The following ITGA1 variants were observed in gnomAD, a reference collection of about 807,000 sequenced individuals.
The protein encoded by ITGA1 is integrin alpha-1.
A neutral mutation model predicts 145.9 loss-of-function variants in ITGA1; 85 were observed. The ratio of observed to expected loss-of-function variants is 0.58; its 90% CI spans 0.49 to 0.70. The LOEUF (loss-of-function observed/expected upper bound fraction) is 0.70, where lower values mean the gene tolerates loss of function less well. ITGA1 is among the 30% of genes least tolerant of loss of function. The probability of loss-of-function intolerance (pLI) is 0.00; values close to 1 mark genes in which losing one functional copy is unlikely to be tolerated. For synonymous variants in ITGA1, 520 were observed against 495.3 expected, an observed-to-expected ratio of 1.05 and a Z score of -0.66; for missense variants, 1,351 against 1,418.7, an observed-to-expected ratio of 0.95 and a Z score of 0.77.
chr5:52,859,642 A>C (rs376860560), intron 2 of ITGA1, among the ~76,000 whole-genome samples: 1 of 152,212 alleles, frequency 6.6e-6, no homozygotes, highest in African/African-American at 2.4e-5. Flanking sequence ...TAAATTTTCA[A>C]AATGTGTGCC....
chr5:52,907,838 A>G (rs1750435547), intron 12 of ITGA1, among the ~76,000 whole-genome samples: 1 of 152,168 alleles, frequency 6.6e-6, no homozygotes, highest in Non-Finnish European at 1.5e-5. Context: ...AAGATCTTCT[A>G]TTTTATTTAT....
At position 52,910,978 on chromosome 5, in the gene ITGA1, AGTAT is replaced by A. The variant is rs1230683431; in HGVS notation, c.1857+564_1857+567del. 5.4e-5 allele frequency among the ~76,000 whole-genome samples: 7 copies of A among 128,832 alleles called. No individual in the cohort carries two copies. The South Asian group carries it at 7.1e-4, about 13-fold the overall frequency. 84.5% of individuals were successfully genotyped at this position (128,832 alleles called of 152,430 possible). On this transcript the variant is annotated intron_variant, in intron 14 of 28. Coordinates refer to ENST00000282588, the MANE Select transcript of ITGA1 (RefSeq NM_181501.2). Reference sequence around the variant, plus strand: ...TATATACACTATATATACTATATATAGTATGTATACTATATATAGTATGTATACT... The same window carrying A: ...TATATACACTATATATACTATATATAGTATACTATATATAGTATGTATACT...
intron 2 of ITGA1, among the ~76,000 whole-genome samples, chr5:52,853,176 T>C (rs1442596451): frequency 1.3e-5 from 2 of 152,166 alleles, no homozygotes; most frequent in African/African-American, 2.4e-5. Context: ...ACCAAAAAGA[T>C]GTGGGCAATT....
intron 7 of ITGA1, among the ~76,000 whole-genome samples, chr5:52,882,454 T>A (rs1319028073): frequency 6.6e-6 from 1 of 152,120 alleles, no homozygotes; most frequent in Non-Finnish European, 1.5e-5. Flanking sequence ...TTTACCGTTA[T>A]CGAAGCTACT....
intron 7 of ITGA1, among the ~76,000 whole-genome samples, chr5:52,884,569 G>A (rs1750018475): frequency 1.3e-5 from 2 of 152,092 alleles, no homozygotes; most frequent in South Asian, 4.1e-4. Flanking sequence ...AGGTATTGCA[G>A]TAAGGAAGAG....
intron 19 of ITGA1, among the ~76,000 whole-genome samples, chr5:52,925,839 A>T (rs889728670): frequency 3.3e-5 from 5 of 152,184 alleles, no homozygotes; most frequent in Non-Finnish European, 7.4e-5. Context: ...CCTCTGTGTT[A>T]AGCAAAAAAA....
chr5:52,795,748 CT>C (rs1466970333), intron 1 of ITGA1, among the ~76,000 whole-genome samples: 1 of 151,782 alleles, frequency 6.6e-6, no homozygotes, highest in African/African-American at 2.4e-5. Context: ...TTTTAGAGCT[CT>C]ATAATTTATT....
chr5:52,850,002 ATTTT>A (rs373306832), intron 2 of ITGA1, among the ~76,000 whole-genome samples: 1 of 140,440 alleles, frequency 7.1e-6, no homozygotes, highest in Non-Finnish European at 1.5e-5. Flanking sequence ...TGTAGATAGG[ATTTT>A]TTTTTTTTTT....
intron 11 of ITGA1, chr5:52,903,450 A>G (rs1750348201): frequency 6.6e-6 from 1 of 152,222 alleles, no homozygotes; most frequent in African/African-American, 2.4e-5. Context: ...TCTATTATGT[A>G]TAATAATAAA....
Position 52,925,322 on chromosome 5 carries a change from A to G in ITGA1, c.2448A>G (p.Ser816=), listed in dbSNP as rs759008111. 6.2e-7 allele frequency: 1 copy of G among 1,614,082 alleles called. No homozygotes were observed. The highest frequency in any genetic ancestry group is 1.1e-5 in the South Asian group (1 of 91,086). Residue 816 remains serine (S), a synonymous_variant, in exon 19 of 29, where the codon TCA becomes TCG. Transcript: ENST00000282588. ...GTGGAAATAAGGAAAAATGTATCTC[A>G]GACCTCAGCCTGCATGTCGCCACCA... ...KDCGNKEKCI[S]DLSLHVATTE...
Position 52,849,495 on chromosome 5 carries a change from TGG to T in ITGA1, c.182+12_182+13del, listed in dbSNP as rs1483885355. On this transcript the variant is annotated intron_variant, in intron 2 of 28. Transcript: ENST00000282588. ...ATGAAGAAGGAAAATGGTAAGCCAG[TGG>T]GTTTTGTTGTTGTTATTTACTTATT... 1.9e-6 allele frequency: 3 copies of T among 1,581,154 alleles called. No individual in the cohort carries two copies. Among genetic ancestry groups the T allele is most frequent in the Non-Finnish European group, 1.7e-6 (2 of 1,158,494 alleles).
intron 1 of ITGA1, among the ~76,000 whole-genome samples, chr5:52,834,024 A>C (rs528002143): frequency 6.6e-5 from 10 of 152,354 alleles, no homozygotes; most frequent in African/African-American, 2.4e-4. Context: ...GAATCTATGA[A>C]GATCAGGTAC....
rs545063316 is a variant in ITGA1, at chr5:52,861,552, T to C, written c.288T>C (p.Asp96=). ...RGESLPCVKL[D]LPVNTSIPNV... ...AATCATTACCTTGTGTAAAGTTGGA[T>C]CTACCAGGTATGTAAAATTAAAAAA... is the stretch of plus-strand genomic sequence containing the variant. The change falls in exon 3 of 29, where the codon GAT becomes GAC. Residue 96 remains aspartate (D), a synonymous_variant. Transcript: ENST00000282588. The C allele has an allele frequency of 6.9e-6, 11 of 1,597,058 alleles. No homozygotes were observed. In the East Asian group the frequency reaches 2.2e-4, roughly 32 times the overall value.
intron 14 of ITGA1, among the ~76,000 whole-genome samples, chr5:52,914,309 A>G (rs1347751262): frequency 1.3e-5 from 2 of 152,160 alleles, no homozygotes; most frequent in East Asian, 1.9e-4. Flanking sequence ...CATAGAACCA[A>G]GGAGTCAGAT....
At chr5:52,918,304 T>C (rs1750678928) in intron 15 of ITGA1, among the ~76,000 whole-genome samples, 1 of 152,114 alleles carries the variant, frequency 6.6e-6, no homozygotes, top group Non-Finnish European at 1.5e-5. Context: ...TTCCTAGAAA[T>C]AGAGGAAGAG....
At position 52,944,989 on chromosome 5, in the gene ITGA1, G is replaced by A. The variant is rs1751113124; in HGVS notation, c.3332G>A (p.Ser1111Asn). Residue 1111 changes from serine to asparagine, a missense_variant, in exon 27 of 29, where the codon AGT becomes AAT. By Grantham distance (46) the Ser-to-Asn change is conservative. Coordinates refer to ENST00000282588, the MANE Select transcript of ITGA1 (RefSeq NM_181501.2). ...CTTACTATAAGGGGAGAACTTCGGA[G>A]TGAAAATGCATCTCTGGTTTTAAGT... ...LNLTIRGELR[S>N]ENASLVLSSS... 6.2e-7 allele frequency: 1 copy of A among 1,613,454 alleles called. No homozygotes were observed.
Position 52,947,360 on chromosome 5 carries a change from T to C in ITGA1, c.3394T>C (p.Ser1132Pro). Residue 1132 changes from serine to proline, a missense_variant, in exon 28 of 29, where the codon TCC becomes CCC. Physicochemically the swap from Ser to Pro is moderately conservative, Grantham distance 74. Coordinates refer to ENST00000282588, the MANE Select transcript of ITGA1 (RefSeq NM_181501.2). ...TAATTTTCAGCTTGCTATTCAAATA[T>C]CCAAAGATGGGCTACCGGGCAGAGT... ...NQKRELAIQISKDGLPGRVPL... is the reference protein window; with the variant it reads ...NQKRELAIQIPKDGLPGRVPL... 6.2e-7 allele frequency: 1 copy of C among 1,610,476 alleles called. No homozygotes were observed. Among genetic ancestry groups the C allele is most frequent in the Non-Finnish European group, 8.5e-7 (1 of 1,176,876 alleles).
Position 52,952,411 on chromosome 5 carries a change from G to A in ITGA1, c.3500G>A (p.Gly1167Glu). 1 of 1,419,788 alleles carries A rather than the reference G, an allele frequency of 7.0e-7. No individual in the cohort carries two copies. The highest frequency in any genetic ancestry group is 9.6e-7 in the Non-Finnish European group (1 of 1,041,678). The allele number at this position is 1,419,788 out of a possible 1,614,324, so 87.9% of individuals were successfully genotyped here. Residue 1167 changes from glycine (G) to glutamate (E), a missense_variant, in exon 29 of 29, where the codon GGA (glycine) becomes GAA (glutamate). Coordinates refer to ENST00000282588, the MANE Select transcript of ITGA1 (RefSeq NM_181501.2). The stretch of plus-strand genomic sequence containing the variant: ...TGTTTTGTGTTTTCTCAACAGATTG[G>A]ATTCTTCAAAAGACCACTGAAAAAG... ...MLLILALWKI[G>E]FFKRPLKKKM...
intron 21 of ITGA1, chr5:52,931,821 G>A (rs569748897): frequency 3.4e-5 from 13 of 379,216 alleles, no homozygotes; most frequent in African/African-American, 2.5e-4. Context: ...ACATAAATCA[G>A]TGTGATTGTC....
Sources: gnomAD v4.1 joint callset for allele counts (sites outside exome capture counted in the v4.1 genomes callset) on GRCh38, gnomAD v4.1.1 for gene constraint, MANE v1.5 for transcripts, NCBI Gene and HGNC (gene_info 2026-07-23, HGNC 2026-07-21) for gene names.